The following GRIA1 variants were observed in gnomAD, a reference collection of about 807,000 sequenced individuals.
GRIA1 encodes the protein glutamate receptor 1.
GRIA1 carries 31 observed loss-of-function variants against 99.2 expected under a neutral mutation model. The observed-to-expected ratio is 0.31, with a 90% CI of 0.23 to 0.42. The LOEUF (loss-of-function observed/expected upper bound fraction) is 0.42, where lower values mean the gene tolerates loss of function less well. Ranked by LOEUF, GRIA1 falls within the 10% of genes least tolerant of loss-of-function variation. The pLI is 1.00. For synonymous variants in GRIA1, 438 were observed against 432.4 expected (o/e 1.01, Z -0.16); for missense variants, 782 against 1,157.5 (o/e 0.68, Z 4.71).
intron 13 of GRIA1, among the ~76,000 whole-genome samples, chr5:153,774,390 A>G (rs1426902593): frequency 1.3e-5 from 2 of 152,198 alleles, no homozygotes; most frequent in Non-Finnish European, 2.9e-5. Context: ...ATTATTTTGA[A>G]TCATAAAAAA....
intron 2 of GRIA1, among the ~76,000 whole-genome samples, chr5:153,501,495 C>A (rs1561589321): frequency 6.6e-6 from 1 of 151,638 alleles, no homozygotes; most frequent in Non-Finnish European, 1.5e-5. Context: ...CTGGCCAGGC[C>A]TTGTAGGCTC....
chr5:153,729,716 A>T (rs759938989), intron 11 of GRIA1, among the ~76,000 whole-genome samples: 3 of 152,120 alleles, frequency 2.0e-5, no homozygotes, highest in Non-Finnish European at 4.4e-5. Flanking sequence ...TTTCTGTTGC[A>T]TCAAGACAAA....
chr5:153,635,819 C>T (rs74657692), intron 2 of GRIA1, among the ~76,000 whole-genome samples: 3,981 of 152,286 alleles, frequency 0.026, 200 homozygotes, highest in African/African-American at 0.091. Context: ...CTGAGGACCC[C>T]TGCCCTCTCA....
rs1250109485 is a variant in GRIA1, at chr5:153,812,598, C to G, written c.*1373C>G. The G allele has an allele frequency of 6.6e-6, 1 of 152,186 alleles. No homozygotes were observed. Among genetic ancestry groups the G allele is most frequent in the Non-Finnish European group, 1.5e-5 (1 of 68,044 alleles). 9.4% of individuals were successfully genotyped at this position (152,186 alleles called of 1,614,324 possible). ...AGACCTTTGATCCCAGGTTCTAACT[C>G]AAAGAGGCTGACCTTCCCCCAGCTA... is the stretch of plus-strand genomic sequence containing the variant. On this transcript the variant is annotated 3_prime_UTR_variant, in exon 16 of 16. Coordinates refer to ENST00000285900, the MANE Select transcript of GRIA1 (RefSeq NM_000827.4).
chr5:153,656,860 C>T (rs867956509), intron 5 of GRIA1, among the ~76,000 whole-genome samples: 4 of 152,264 alleles, frequency 2.6e-5, no homozygotes, highest in Middle Eastern at 3.4e-3. Context: ...TCCTTATCAT[C>T]CCCTAAGCTC....
chr5:153,808,674 C>A (rs1456285936), intron 15 of GRIA1, among the ~76,000 whole-genome samples: 7 of 152,174 alleles, frequency 4.6e-5, no homozygotes, highest in African/African-American at 1.7e-4. Flanking sequence ...TTCCAATGTG[C>A]AACCAAGTTT....
intron 13 of GRIA1, among the ~76,000 whole-genome samples, chr5:153,790,631 C>T (rs984244176): frequency 2.0e-5 from 3 of 152,154 alleles, no homozygotes; most frequent in Non-Finnish European, 2.9e-5. Flanking sequence ...AACCTAAAGA[C>T]TTCCTTTCAT....
intron 14 of GRIA1, 53 bp downstream of exon 14, chr5:153,794,788 G>C (rs1349974855): frequency 9.6e-7 from 1 of 1,043,334 alleles, no homozygotes; most frequent in Non-Finnish European, 1.5e-6. Flanking sequence ...TAGCATGGCT[G>C]GTAACCAGCA....
intron 2 of GRIA1, among the ~76,000 whole-genome samples, chr5:153,531,651 C>T (rs1360600746): frequency 1.3e-5 from 2 of 152,154 alleles, no homozygotes; most frequent in African/African-American, 4.8e-5. Context: ...ACTAGAGGTA[C>T]ATAAGCAGAA....
chr5:153,661,690 A>AATG (rs1561741305), intron 5 of GRIA1, among the ~76,000 whole-genome samples: 98 of 152,290 alleles, frequency 6.4e-4, no homozygotes, highest in African/African-American at 1.9e-3. Context: ...ATGAATGAAT[A>AATG]AATGAATTCC....
chr5:153,734,446 G>C (rs1248398694), intron 11 of GRIA1, among the ~76,000 whole-genome samples: 1 of 152,188 alleles, frequency 6.6e-6, no homozygotes, highest in Non-Finnish European at 1.5e-5. Flanking sequence ...GTCTCAAATG[G>C]AGGTGGGAGT....
At chr5:153,545,822 A>G (rs1759564717) in intron 2 of GRIA1, among the ~76,000 whole-genome samples, 2 of 152,256 alleles carry the variant, frequency 1.3e-5, no homozygotes, top group Non-Finnish European at 2.9e-5. Flanking sequence ...TGAAGGCCAT[A>G]GCTGTATTCC....
At chr5:153,760,651 TC>T (rs751911759) in intron 11 of GRIA1, among the ~76,000 whole-genome samples, 1 of 152,082 alleles carries the variant, frequency 6.6e-6, no homozygotes, top group Non-Finnish European at 1.5e-5. Flanking sequence ...TCAACAACCT[TC>T]TTCACAAAAA....
chr5:153,584,077 A>T (rs1763266010), intron 2 of GRIA1, among the ~76,000 whole-genome samples: 1 of 152,200 alleles, frequency 6.6e-6, no homozygotes, highest in African/African-American at 2.4e-5. Context: ...TGGTCAAATC[A>T]ACTGCCTCCA....
intron 15 of GRIA1, 83 bp from the exon 16 acceptor site, chr5:153,810,942 A>G (rs1561879990): frequency 3.2e-6 from 3 of 942,708 alleles, no homozygotes; most frequent in Admixed American, 1.7e-5. Context: ...AGTTGGATTT[A>G]CATTTGAAGT....
At chr5:153,646,814 A>T in intron 2 of GRIA1, 114 bp from the exon 3 acceptor site, 2 of 1,119,602 alleles carry the variant, frequency 1.8e-6, no homozygotes, top group Non-Finnish European at 1.3e-6. Context: ...GATAGATGAC[A>T]GTTGGGTGGA....
intron 2 of GRIA1, among the ~76,000 whole-genome samples, chr5:153,530,585 A>C (rs1003911029): frequency 5.9e-5 from 9 of 152,222 alleles, no homozygotes; most frequent in African/African-American, 2.2e-4. Context: ...CCAGTGGCAG[A>C]TAGTTTCCGC....
chr5:153,499,812 G>A (rs1300871722), intron 2 of GRIA1, among the ~76,000 whole-genome samples: 2 of 152,082 alleles, frequency 1.3e-5, no homozygotes, highest in African/African-American at 2.4e-5. Flanking sequence ...AGGCATTAAA[G>A]GGTGGAGCAG....
rs570086014 is a variant in GRIA1 at position 153,599,103 on chromosome 5, C to T, written c.221-47825C>T. On this transcript the variant is annotated intron_variant, in intron 2 of 15. Coordinates refer to ENST00000285900, the MANE Select transcript of GRIA1 (RefSeq NM_000827.4). The stretch of plus-strand genomic sequence containing the variant: ...TTCACCCTGTTAGCCAGGATGGTCT[C>T]GATCTCCTGACCTCGTGATCCACCC... Among the ~76,000 whole-genome samples the T allele has an allele frequency of 2.8e-4, 43 of 152,210 alleles. 1 individual carries two copies. The highest frequency in any genetic ancestry group is 1.4e-3 in the East Asian group (7 of 5,166).
Sources: gnomAD v4.1 joint callset for allele counts (sites outside exome capture counted in the v4.1 genomes callset) on GRCh38, gnomAD v4.1.1 for gene constraint, MANE v1.5 for transcripts, NCBI Gene and HGNC (gene_info 2026-07-23, HGNC 2026-07-21) for gene names.